The following RGS12 variants were observed in gnomAD, a reference collection of about 807,000 sequenced individuals.
The protein encoded by RGS12 is regulator of G-protein signaling 12.
A neutral mutation model predicts 120.1 loss-of-function variants in RGS12; 66 were observed. The observed-to-expected ratio is 0.55, with a 90% CI of 0.45 to 0.67. The LOEUF is 0.67. Ranked by LOEUF, RGS12 falls within the 30% of genes least tolerant of loss-of-function variation. The pLI is 0.00. For missense variants in RGS12, 1,859 were observed against 1,957.7 expected (o/e 0.95, Z 0.95); for synonymous variants, 827 against 804.7 (o/e 1.03, Z -0.47).
intron 4 of RGS12, among the ~76,000 whole-genome samples, chr4:3,405,654 G>T (rs1721035649): frequency 6.6e-6 from 1 of 150,644 alleles, no homozygotes; most frequent in Non-Finnish European, 1.5e-5. Context: ...CACCTTCTTA[G>T]GAAATCTACA....
intron 17 of RGS12, among the ~76,000 whole-genome samples, chr4:3,438,901 C>T (rs1017594225): frequency 3.9e-5 from 6 of 151,968 alleles, no homozygotes; most frequent in South Asian, 2.1e-4. Flanking sequence ...AGGGTGTGTA[C>T]GGTGAAGACG....
chr4:3,431,208 G>A (rs1577105784), intron 17 of RGS12: 2 of 1,370,426 alleles, frequency 1.5e-6, no homozygotes, highest in East Asian at 2.9e-5. Flanking sequence ...AGAGGCTCTT[G>A]CAGGAATGAT....
Position 3,355,668 on chromosome 4 carries a change from G to A in RGS12, c.1998+12615G>A, listed in dbSNP as rs779269221. Among the ~76,000 whole-genome samples the A allele has an allele frequency of 1.1e-4, 17 of 151,790 alleles. 1 individual carries two copies. Among genetic ancestry groups the A allele is most frequent in the Non-Finnish European group, 1.9e-4 (13 of 67,936 alleles). ...AAGTTAGCCGGGTATGGTGGTATGC[G>A]CCCATAGTCCCAGCTGCTTGTGGGG... is the stretch of plus-strand genomic sequence containing the variant. On this transcript the variant is annotated intron_variant, in intron 3 of 17. Transcript: ENST00000336727.
upstream of RGS12, chr4:3,292,950 GCCCCGCCCCTCTCCGT>G (rs567888889): frequency 0.037 from 5,357 of 146,348 alleles, 149 homozygotes; most frequent in South Asian, 0.096. Context: ...CACCAGGTTC[GCCCCGCCCCTCTCCGT>G]CCCCGCCCCT....
intron 17 of RGS12, 76 bp from the exon 18 acceptor site, chr4:3,439,379 C>T (rs1725118564): frequency 2.1e-6 from 3 of 1,456,874 alleles, no homozygotes; most frequent in Non-Finnish European, 9.6e-7. Flanking sequence ...GTGCAGGGGC[C>T]TTCGGGGTAG....
chr4:3,360,720 A>G (rs1453976350), intron 3 of RGS12, among the ~76,000 whole-genome samples: 2 of 152,184 alleles, frequency 1.3e-5, no homozygotes, highest in Non-Finnish European at 2.9e-5. Flanking sequence ...ATTTTGATTA[A>G]ATGAATATTA....
intron 1 of RGS12, among the ~76,000 whole-genome samples, chr4:3,300,472 G>A (rs1220430999): frequency 6.6e-6 from 1 of 152,206 alleles, no homozygotes; most frequent in Non-Finnish European, 1.5e-5. Flanking sequence ...CCTGGGAGGA[G>A]GAGGACTGCC....
intron 2 of RGS12, among the ~76,000 whole-genome samples, chr4:3,341,040 G>A (rs1713031533): frequency 1.3e-5 from 2 of 151,398 alleles, no homozygotes; most frequent in Admixed American, 6.6e-5. Flanking sequence ...CTCTCGGCCT[G>A]GTGGGGGCCC....
chr4:3,431,625 A>G, intron 17 of RGS12: 1 of 985,638 alleles, frequency 1.0e-6, no homozygotes, highest in Non-Finnish European at 1.2e-6. Context: ...CGTGAGCCAC[A>G]AATACCAGAA....
At chr4:3,295,829 A>T (rs1458299157) in intron 1 of RGS12, among the ~76,000 whole-genome samples, 2 of 152,188 alleles carry the variant, frequency 1.3e-5, no homozygotes, top group African/African-American at 2.4e-5. Flanking sequence ...ATTTTATTTG[A>T]ATTTGGTGGA....
chr4:3,431,779 C>G, intron 17 of RGS12: 1 of 985,692 alleles, frequency 1.0e-6, no homozygotes, highest in Non-Finnish European at 1.2e-6. Flanking sequence ...GACACCTCTG[C>G]TGTGGTTTGC....
chr4:3,302,007 T>C (rs1234555912), intron 1 of RGS12, among the ~76,000 whole-genome samples: 1 of 147,238 alleles, frequency 6.8e-6, no homozygotes, highest in Non-Finnish European at 1.5e-5. Flanking sequence ...TTTTTTTTTC[T>C]AAATCTGGCA....
intron 1 of RGS12, among the ~76,000 whole-genome samples, chr4:3,313,275 C>T (rs1724521985): frequency 6.6e-6 from 1 of 152,124 alleles, no homozygotes; most frequent in Non-Finnish European, 1.5e-5. Context: ...AGCATCTATT[C>T]CTGTTTGGAA....
rs1020532615 is a variant in RGS12 at position 3,367,752 on chromosome 4, A to G, written c.1999-18664A>G. Among the ~76,000 whole-genome samples, 9 of 152,228 alleles carry G rather than the reference A, an allele frequency of 5.9e-5. No individual in the cohort carries two copies. The East Asian group carries it at 1.4e-3, about 23-fold the overall frequency. ...TGCAGAGGGGAGTTACTGGCTAGGC[A>G]GGGGAGGTCAGCAGCTGCAGAAAAG... On this transcript the variant is annotated intron_variant, in intron 3 of 17. Transcript: ENST00000336727.
At chr4:3,320,675 G>A (rs1725117735) in intron 2 of RGS12, among the ~76,000 whole-genome samples, 1 of 152,216 alleles carries the variant, frequency 6.6e-6, no homozygotes, top group African/African-American at 2.4e-5. Flanking sequence ...TGAGGTTTAA[G>A]TGTTGCTGTT....
In RGS12 at chr4:3,437,870, A is replaced by G. The variant is rs761008496; in HGVS notation, c.4115-1585A>G. Reference sequence around the variant, plus strand: ...TGGGCACGCTCAAGAGGGGAGTCACACCTTCCGCCCGCAGCCCGGACTTGT... The same window carrying G: ...TGGGCACGCTCAAGAGGGGAGTCACGCCTTCCGCCCGCAGCCCGGACTTGT... On this transcript the variant is annotated intron_variant, in intron 17 of 17. Transcript: ENST00000336727. Among the ~76,000 whole-genome samples the G allele has an allele frequency of 1.1e-4, 17 of 152,164 alleles. No individual in the cohort carries two copies. In the South Asian group the frequency reaches 1.9e-3, roughly 17 times the overall value.
chr4:3,389,047 A>G lies in RGS12; in HGVS notation c.2020+2610A>G, dbSNP rs1310602786. The stretch of plus-strand genomic sequence containing the variant: ...TTGTGTTCAACGAGCCGTGCCAGTG[A>G]GAGAGTTCGTGTTCATGCCACGGTT... On this transcript the variant is annotated intron_variant, in intron 4 of 17. Transcript: ENST00000336727. The surrounding 1 kb of genome is among the most constrained non-coding windows in gnomAD (Gnocchi z 5.2). Among the ~76,000 whole-genome samples the G allele has an allele frequency of 6.6e-6, 1 of 152,198 alleles. No individual in the cohort carries two copies. The highest frequency in any genetic ancestry group is 1.5e-5 in the Non-Finnish European group (1 of 68,030).
chr4:3,405,984 G>A (rs1721076072), intron 4 of RGS12, among the ~76,000 whole-genome samples: 1 of 152,114 alleles, frequency 6.6e-6, no homozygotes, highest in Non-Finnish European at 1.5e-5. Context: ...AAGGTTTCCT[G>A]TGGCATCTCG....
chr4:3,373,123 T>C (rs576822138), intron 3 of RGS12, among the ~76,000 whole-genome samples: 1 of 151,646 alleles, frequency 6.6e-6, no homozygotes, highest in East Asian at 1.9e-4. Flanking sequence ...CCTGGGGAAG[T>C]GAAAGGATAA....
Sources: gnomAD v4.1 joint callset for allele counts (sites outside exome capture counted in the v4.1 genomes callset) on GRCh38, gnomAD v4.1.1 for gene constraint, Gnocchi (gnomAD v3.1) non-coding constraint, MANE v1.5 for transcripts, NCBI Gene and HGNC (gene_info 2026-07-23, HGNC 2026-07-21) for gene names.